CRLF1: variants seen among roughly 807,000 people sequenced by gnomAD.
The protein encoded by CRLF1 is cytokine receptor-like factor 1.
A neutral mutation model predicts 48.9 loss-of-function variants in CRLF1; 36 were observed. The ratio of observed to expected loss-of-function variants is 0.74; its 90% CI spans 0.56 to 0.97. The LOEUF is 0.97. CRLF1 is among the 50% of genes least tolerant of loss of function. The pLI, the probability that CRLF1 is intolerant of heterozygous loss-of-function variation, is 0.00. For missense variants in CRLF1, 534 were observed against 575.1 expected (o/e 0.93, Z 0.73); for synonymous variants, 256 against 253.4 (o/e 1.01, Z -0.10).
At chr19:18,593,730 A>G in intron 8 of CRLF1, 151 bp from the exon 9 acceptor site, 1 of 1,510,646 alleles carries the variant, frequency 6.6e-7, no homozygotes, top group African/African-American at 1.4e-5. Flanking sequence ...GGCCTTGGCG[A>G]GGCTATCTGA....
In CRLF1 at chr19:18,602,543, G is replaced by A. The variant is rs1369544694; in HGVS notation, c.116-2697C>T. 4.6e-5 allele frequency among the ~76,000 whole-genome samples: 7 copies of A among 151,910 alleles called. No homozygotes were observed. The South Asian group carries it at 6.2e-4, about 14-fold the overall frequency. On this transcript the variant is annotated intron_variant, in intron 1 of 8. Coordinates refer to ENST00000392386, the MANE Select transcript of CRLF1 (RefSeq NM_004750.5). ...TGAGGCAGGAGGATCGCTGGAGCCCGGGAAGTTGAGGCTGCAGTGAGCCAT... is the reference window on the plus strand; with the variant it reads ...TGAGGCAGGAGGATCGCTGGAGCCCAGGAAGTTGAGGCTGCAGTGAGCCAT...
chr19:18,598,989 C>T (rs1976183097), intron 2 of CRLF1, 88 bp from the exon 3 acceptor site: 4 of 1,577,182 alleles, frequency 2.5e-6, no homozygotes, highest in Non-Finnish European at 3.4e-6. Flanking sequence ...CCACCAGGCC[C>T]CCACCTTGGA....
Position 18,596,802 on chromosome 19 carries a change from G to A in CRLF1, c.856-12C>T. On this transcript the variant is annotated splice_polypyrimidine_tract_variant and intron_variant, in intron 5 of 8. Transcript: ENST00000392386. ...ACATCGTCCACCACCTGGACAGTGA[G>A]GACAAGGTCAGAGTAGAGGGCGGGG... 1 of 1,613,740 alleles carries A rather than the reference G, an allele frequency of 6.2e-7. No individual in the cohort carries two copies. The highest frequency in any genetic ancestry group is 1.3e-5 in the African/African-American group (1 of 75,046).
At chr19:18,595,666 A>AT (rs1976123153) in intron 6 of CRLF1, among the ~76,000 whole-genome samples, 1 of 152,212 alleles carries the variant, frequency 6.6e-6, no homozygotes, top group Non-Finnish European at 1.5e-5. Context: ...TCCAACCCTC[A>AT]TAACAGCCCA....
Position 18,596,858 on chromosome 19 carries a change from G to C in CRLF1, c.855+34C>G, listed in dbSNP as rs746314944. 7 of 1,613,628 alleles carry C rather than the reference G, an allele frequency of 4.3e-6. No individual in the cohort carries two copies. The Admixed American group carries it at 1.2e-4, about 27-fold the overall frequency. On this transcript the variant is annotated intron_variant, in intron 5 of 8. Coordinates refer to ENST00000392386, the MANE Select transcript of CRLF1 (RefSeq NM_004750.5). ...CAGGAGCGGGGGCGGGGCCTGGAAG[G>C]AACAGGGGCGGAGTCAGGGAAGGGG...
In CRLF1 at chr19:18,606,535, T is replaced by G. The variant is rs2145339744; in HGVS notation, c.115+7A>C. On this transcript the variant is annotated splice_region_variant and intron_variant, in intron 1 of 8. Coordinates refer to ENST00000392386, the MANE Select transcript of CRLF1 (RefSeq NM_004750.5). This position sits in a 1 kb window ranked among gnomAD's most constrained non-coding sequence, Gnocchi z 4.8. ...AGGGGGGAAGGAGTGGGGCGCCGGG[T>G]ACTCACGGGCTCCTGATCCGGCTCG... The G allele has an allele frequency of 8.7e-7, 1 of 1,151,196 alleles. No homozygotes were observed. Among genetic ancestry groups the G allele is most frequent in the East Asian group, 4.1e-5 (1 of 24,594 alleles). The allele number at this position is 1,151,196 out of a possible 1,614,324, so 71.3% of individuals were successfully genotyped here.
chr19:18,603,764 C>G (rs529198701), intron 1 of CRLF1, among the ~76,000 whole-genome samples: 2 of 152,292 alleles, frequency 1.3e-5, no homozygotes, highest in Non-Finnish European at 2.9e-5. Context: ...GGCTCGAGGG[C>G]TCTGTCTCGC....
chr19:18,596,764 G>C lies in CRLF1; in HGVS notation c.882C>G (p.Thr294=), dbSNP rs201135202. 12 of 1,614,096 alleles carry C rather than the reference G, an allele frequency of 7.4e-6. No homozygotes were observed. Among genetic ancestry groups the C allele is most frequent in the Admixed American group, 5.0e-5 (3 of 60,012 alleles). Residue 294 remains threonine, a synonymous_variant, in exon 6 of 9, where the codon ACC becomes ACG. Transcript: ENST00000392386. ...WKVVDDVSNQ[T]SCRLAGLKPG... ...GTTTCAGGCCGGCCAGGCGGCAGGA[G>C]GTCTGGTTGCTCACATCGTCCACCA...
chr19:18,593,903 G>GTGCTAAGTAAA (rs1482879304), intron 8 of CRLF1, 162 bp downstream of exon 8: 7 of 976,040 alleles, frequency 7.2e-6, no homozygotes, highest in Non-Finnish European at 8.5e-6. Context: ...TATACAGTAA[G>GTGCTAAGTAAA]TGCTAAGTAA....
At chr19:18,595,694 G>A (rs2283617) in intron 6 of CRLF1, among the ~76,000 whole-genome samples, 45,624 of 152,100 alleles carry the variant, frequency 0.3, 7,527 homozygotes, top group East Asian at 0.49. Context: ...TGGGATTCTC[G>A]ACCCCACCTT....
At chr19:18,597,523 G>T (rs1352985822) in intron 4 of CRLF1, among the ~76,000 whole-genome samples, 1 of 142,940 alleles carries the variant, frequency 7.0e-6, no homozygotes, top group African/African-American at 2.7e-5. Flanking sequence ...TCCGCCTCCC[G>T]GGTTCACGCC....
At chr19:18,593,704 G>C in intron 8 of CRLF1, 125 bp from the exon 9 acceptor site, 1 of 1,530,488 alleles carries the variant, frequency 6.5e-7, no homozygotes, top group Non-Finnish European at 8.8e-7. Flanking sequence ...TTTGGGCAGG[G>C]TCCTGCCCCT....
At chr19:18,600,870 C>A (rs1256302146) in intron 1 of CRLF1, among the ~76,000 whole-genome samples, 1 of 152,160 alleles carries the variant, frequency 6.6e-6, no homozygotes, top group Non-Finnish European at 1.5e-5. Flanking sequence ...GTGGCACGAT[C>A]ATAGCTCACT....
At position 18,606,604 on chromosome 19, in the gene CRLF1, G is replaced by T; in HGVS notation, c.53C>A (p.Pro18Gln). 1 of 1,101,290 alleles carries T rather than the reference G, an allele frequency of 9.1e-7. No homozygotes were observed. Among genetic ancestry groups the T allele is most frequent in the South Asian group, 4.3e-5 (1 of 23,086 alleles). The allele number at this position is 1,101,290 out of a possible 1,614,324, so 68.2% of individuals were successfully genotyped here. Residue 18 changes from proline (P) to glutamine (Q), a missense_variant, in exon 1 of 9, where the codon CCG (proline) becomes CAG (glutamine). Around this residue, in one of 2 missense-constraint regions of CRLF1, gnomAD observed 528 missense variants for 555.7 expected, o/e 0.95. Coordinates refer to ENST00000392386, the MANE Select transcript of CRLF1 (RefSeq NM_004750.5). This position sits in a 1 kb window ranked among gnomAD's most constrained non-coding sequence, Gnocchi z 4.8. ...GAGCAGCAGCAGCAGGGGCAGCAAC[G>T]GCGGCGGCCGCCGCGCGGATTGGGC... ...PAAQSARRPP[P>Q]LLPLLLLLCV...
At chr19:18,601,105 CTTCT>C (rs1976215179) in intron 1 of CRLF1, among the ~76,000 whole-genome samples, 1 of 152,184 alleles carries the variant, frequency 6.6e-6, no homozygotes, top group Admixed American at 6.5e-5. Context: ...GGTGCCTAGC[CTTCT>C]TTATTTTTCA....
chr19:18,599,559 A>C lies in CRLF1; in HGVS notation c.397+6T>G. On this transcript the variant is annotated splice_donor_region_variant and intron_variant, in intron 2 of 8. Coordinates refer to ENST00000392386, the MANE Select transcript of CRLF1 (RefSeq NM_004750.5). ...TACCCCTGGGGTGTCCTGGGTGCCAACTTACGGCCAACATAGAGGCAGGAG... is the reference window on the plus strand; with the variant it reads ...TACCCCTGGGGTGTCCTGGGTGCCACCTTACGGCCAACATAGAGGCAGGAG... 6.2e-7 allele frequency: 1 copy of C among 1,612,136 alleles called. No individual in the cohort carries two copies. Among genetic ancestry groups the C allele is most frequent in the Non-Finnish European group, 8.5e-7 (1 of 1,180,008 alleles).
At chr19:18,605,160 C>A (rs1448641558) in intron 1 of CRLF1, among the ~76,000 whole-genome samples, 5 of 151,842 alleles carry the variant, frequency 3.3e-5, no homozygotes, top group Admixed American at 1.3e-4. Flanking sequence ...ACCCCCTACA[C>A]CTTCGCCTGC....
At chr19:18,596,838 G>A in intron 5 of CRLF1, 48 bp from the exon 6 acceptor site, 1 of 1,612,940 alleles carries the variant, frequency 6.2e-7, no homozygotes, top group Non-Finnish European at 8.5e-7. Flanking sequence ...CCTAGCAGGA[G>A]CGGGGGCGGG....
chr19:18,598,423 G>T lies in CRLF1; in HGVS notation c.697+9C>A. ...CGAGGGAGGGGCCTAGCAGACACTG[G>T]GGGCTCACCCACATCCAGGATATCC... On this transcript the variant is annotated intron_variant, in intron 4 of 8. Coordinates refer to ENST00000392386, the MANE Select transcript of CRLF1 (RefSeq NM_004750.5). 1 of 1,608,858 alleles carries T rather than the reference G, an allele frequency of 6.2e-7. No individual in the cohort carries two copies. Among genetic ancestry groups the T allele is most frequent in the Non-Finnish European group, 8.5e-7 (1 of 1,176,570 alleles).
Sources: allele counts gnomAD v4.1 joint callset (sites outside exome capture counted in the v4.1 genomes callset), GRCh38; gene constraint gnomAD v4.1.1; regional missense constraint gnomAD v4.1.1; non-coding constraint Gnocchi (gnomAD v3.1); transcripts MANE v1.5; gene names NCBI Gene and HGNC (gene_info 2026-07-23, HGNC 2026-07-21).